CATSPERT: variants seen among roughly 807,000 people sequenced by gnomAD.
CATSPERT encodes the protein catsper channel auxiliary subunit tau, also known as cation channel sperm-associated targeting subunit tau.
At chr2:201,538,789 G>A in the CATSPERT span, among the ~76,000 whole-genome samples, 2 of 152,052 alleles carry the variant, frequency 1.3e-5, no homozygotes, top group Non-Finnish European at 2.9e-5. Flanking sequence ...TTATCCATTA[G>A]TTATTTTTCC....
chr2:201,502,884 A>G, the CATSPERT span, among the ~76,000 whole-genome samples: 4 of 149,140 alleles, frequency 2.7e-5, no homozygotes, highest in African/African-American at 9.8e-5. Context: ...TTCACATGTT[A>G]GTGATACTGT....
At chr2:201,499,448 T>C in the CATSPERT span, among the ~76,000 whole-genome samples, 1 of 152,188 alleles carries the variant, frequency 6.6e-6, no homozygotes, top group Non-Finnish European at 1.5e-5. Flanking sequence ...ATCTCTGGAA[T>C]TGTTAGGCCA....
the CATSPERT span, chr2:201,491,029 AG>A: frequency 4.0e-6 from 3 of 742,062 alleles, no homozygotes; most frequent in Non-Finnish European, 6.2e-6. Context: ...GGTCTTTCAG[AG>A]GAATTTTTAA....
At chr2:201,535,970 T>C in the CATSPERT span, 2 of 1,603,376 alleles carry the variant, frequency 1.2e-6, no homozygotes, top group South Asian at 1.1e-5. Flanking sequence ...CTGTTGGAGA[T>C]GAATCTAAGT....
chr2:201,608,847 A>C, the CATSPERT span, among the ~76,000 whole-genome samples: 1 of 151,584 alleles, frequency 6.6e-6, no homozygotes, highest in Non-Finnish European at 1.5e-5. Context: ...ACAAACAAAG[A>C]AAGAAAGAAA....
the CATSPERT span, among the ~76,000 whole-genome samples, chr2:201,500,193 C>T: frequency 6.6e-6 from 1 of 152,158 alleles, no homozygotes; most frequent in African/African-American, 2.4e-5. Context: ...GAGAGAGTAT[C>T]TTAACTCTCT....
chr2:201,521,431 C>CAGAG, the CATSPERT span, among the ~76,000 whole-genome samples: 10 of 73,212 alleles, frequency 1.4e-4, no homozygotes, highest in South Asian at 2.3e-3. Context: ...GAGAGACAGA[C>CAGAG]AGAGAGAGAG....
the CATSPERT span, among the ~76,000 whole-genome samples, chr2:201,616,656 GA>G: frequency 6.6e-6 from 1 of 152,188 alleles, no homozygotes; most frequent in Non-Finnish European, 1.5e-5. Context: ...ACAAGACAGG[GA>G]TGCCCTCTCT....
chr2:201,562,096 T>C, the CATSPERT span, among the ~76,000 whole-genome samples: 1 of 151,932 alleles, frequency 6.6e-6, no homozygotes, highest in Non-Finnish European at 1.5e-5. Context: ...AGAGCTTTCA[T>C]ACAAATTCAT....
At chr2:201,575,034 C>CAAAAAAAAAA in the CATSPERT span, among the ~76,000 whole-genome samples, 4 of 97,910 alleles carry the variant, frequency 4.1e-5, no homozygotes, top group Non-Finnish European at 4.2e-5. Flanking sequence ...CACCATTTAG[C>CAAAAAAAAAA]AAAAAAAAAA....
At chr2:201,586,636 C>T in the CATSPERT span, among the ~76,000 whole-genome samples, 1 of 151,832 alleles carries the variant, frequency 6.6e-6, no homozygotes, top group African/African-American at 2.4e-5. Flanking sequence ...TATTCTATTT[C>T]ATCAATATTT....
At chr2:201,507,975 A>T in the CATSPERT span, among the ~76,000 whole-genome samples, 1 of 152,000 alleles carries the variant, frequency 6.6e-6, no homozygotes, top group African/African-American at 2.4e-5. Flanking sequence ...TGATTCAGTC[A>T]CCTCCCACCA....
the CATSPERT span, chr2:201,547,555 T>C: frequency 6.4e-7 from 1 of 1,558,352 alleles, no homozygotes; most frequent in Non-Finnish European, 8.7e-7. Flanking sequence ...TCTAAATAGT[T>C]AGCTTTATCT....
the CATSPERT span, among the ~76,000 whole-genome samples, chr2:201,599,014 T>C: frequency 6.6e-6 from 1 of 152,104 alleles, no homozygotes; most frequent in Non-Finnish European, 1.5e-5. Context: ...AATCCTAAAC[T>C]GGTTTCCTGG....
At chr2:201,535,640 A>T in the CATSPERT span, 1 of 1,146,470 alleles carries the variant, frequency 8.7e-7, no homozygotes, top group Non-Finnish European at 1.1e-6. Flanking sequence ...TGGCATCTCA[A>T]ATCACTTTGC....
chr2:201,607,106 C>A, the CATSPERT span, among the ~76,000 whole-genome samples: 1 of 151,944 alleles, frequency 6.6e-6, no homozygotes, highest in Non-Finnish European at 1.5e-5. Flanking sequence ...TCAATAATAA[C>A]CTTGAATGTG....
chr2:201,492,954 C>G, the CATSPERT span: 341 of 1,536,442 alleles, frequency 2.2e-4, 5 homozygotes, highest in South Asian at 3.9e-3. Flanking sequence ...ACTTTGGACT[C>G]AAAATAGGTT....
At chr2:201,594,001 G>A in the CATSPERT span, among the ~76,000 whole-genome samples, 1 of 152,022 alleles carries the variant, frequency 6.6e-6, no homozygotes, top group Non-Finnish European at 1.5e-5. Flanking sequence ...ATTGTTATGT[G>A]TGAATTTGAT....
chr2:201,494,503 G>C, the CATSPERT span: 3 of 1,536,840 alleles, frequency 2.0e-6, no homozygotes, highest in South Asian at 3.6e-5. Flanking sequence ...ATTGATAGTA[G>C]GATCAGGGGC....
Sources: gnomAD v4.1 joint callset for allele counts (sites outside exome capture counted in the v4.1 genomes callset) on GRCh38, gnomAD v4.1.1 for gene constraint, MANE v1.5 for transcripts, NCBI Gene and HGNC (gene_info 2026-07-23, HGNC 2026-07-21) for gene names.